The following SIPA1L3 variants were observed in gnomAD, a reference collection of about 807,000 sequenced individuals.
SIPA1L3 encodes the protein signal induced proliferation associated 1 like 3.
A neutral mutation model predicts 150.1 loss-of-function variants in SIPA1L3; 59 were observed. That is an observed-to-expected ratio of 0.39 (90% CI 0.32 to 0.49). The LOEUF (loss-of-function observed/expected upper bound fraction) is 0.49. SIPA1L3 is among the 20% of genes least tolerant of loss of function. The pLI is 0.86. For missense variants in SIPA1L3, 2,211 were observed against 2,489.5 expected (o/e 0.89, Z 2.38); for synonymous variants, 1,070 against 1,077.6 (o/e 0.99, Z 0.14).
At chr19:37,969,122 T>A (rs1456086262) in intron 1 of SIPA1L3, among the ~76,000 whole-genome samples, 1 of 152,176 alleles carries the variant, frequency 6.6e-6, no homozygotes, top group Non-Finnish European at 1.5e-5. Flanking sequence ...TAGTTTCAGC[T>A]ACTAGGGAGG....
At chr19:38,155,049 C>CCA (rs1013680629) in intron 13 of SIPA1L3, among the ~76,000 whole-genome samples, 40 of 152,264 alleles carry the variant, frequency 2.6e-4, no homozygotes, top group Admixed American at 1.3e-3. Context: ...GTGTGAGCCA[C>CCA]CACACAGGGC....
chr19:38,205,498 T>A lies in SIPA1L3; in HGVS notation c.5203-599T>A, dbSNP rs113816480. The stretch of plus-strand genomic sequence containing the variant: ...AAAATGAGGAGGAGACTTTTATCTA[T>A]TGTTTCTATACTTCTGGGTAAAAGC... On this transcript the variant is annotated intron_variant, in intron 21 of 21. Coordinates refer to ENST00000222345, the MANE Select transcript of SIPA1L3 (RefSeq NM_015073.3). Among the ~76,000 whole-genome samples the A allele has an allele frequency of 1.5e-3, 231 of 151,412 alleles. 3 individuals carry two copies. The highest frequency in any genetic ancestry group is 5.4e-3 in the African/African-American group (223 of 41,156).
intron 2 of SIPA1L3, among the ~76,000 whole-genome samples, chr19:38,033,916 A>G (rs1468982933): frequency 6.6e-6 from 1 of 152,154 alleles, no homozygotes; most frequent in Non-Finnish European, 1.5e-5. Flanking sequence ...GCATTCGGCC[A>G]GGAATGTCTT....
intron 1 of SIPA1L3, among the ~76,000 whole-genome samples, chr19:37,925,892 G>A (rs77022530): frequency 0.054 from 8,238 of 151,998 alleles, 258 homozygotes; most frequent in East Asian, 0.11. Flanking sequence ...GCGCCCGGCC[G>A]ATTTATTACA....
At chr19:38,074,604 CT>C (rs1337151428) in intron 2 of SIPA1L3, among the ~76,000 whole-genome samples, 1 of 152,264 alleles carries the variant, frequency 6.6e-6, no homozygotes, top group East Asian at 1.9e-4. Context: ...AGCAAACAGT[CT>C]TGCCATTCTG....
At position 38,193,548 on chromosome 19, in the gene SIPA1L3, G is replaced by T; in HGVS notation, c.4608G>T (p.Gln1536His). 1 of 1,500,246 alleles carries T rather than the reference G, an allele frequency of 6.7e-7. No individual in the cohort carries two copies. The highest frequency in any genetic ancestry group is 1.3e-5 in the South Asian group (1 of 75,222). The allele number at this position is 1,500,246 out of a possible 1,614,324, so 92.9% of individuals were successfully genotyped here. ...CCCACGCCCCACAGCAGTCACCGCA[G>T]AAGGGCCTGCAGCGGACGCTGTCGG... ...EQERDTGQSP[Q>H]KGLQRTLSDE... Residue 1536 changes from glutamine to histidine, a missense_variant, in exon 18 of 22, where the codon CAG (glutamine) becomes CAT (histidine). Around this residue, in one of 5 missense-constraint regions of SIPA1L3, gnomAD observed 806 missense variants for 870.1 expected, o/e 0.93. Coordinates refer to ENST00000222345, the MANE Select transcript of SIPA1L3 (RefSeq NM_015073.3).
intron 1 of SIPA1L3, among the ~76,000 whole-genome samples, chr19:37,946,338 G>T (rs2046711879): frequency 6.6e-6 from 1 of 151,806 alleles, no homozygotes; most frequent in African/African-American, 2.4e-5. Context: ...TTGCTCTGTT[G>T]CCCAGGCTGG....
At chr19:38,010,954 T>C (rs1968083308) in intron 1 of SIPA1L3, among the ~76,000 whole-genome samples, 1 of 152,196 alleles carries the variant, frequency 6.6e-6, no homozygotes, top group African/African-American at 2.4e-5. Flanking sequence ...AGGGTCTCTT[T>C]CTATGCACAC....
intron 13 of SIPA1L3, among the ~76,000 whole-genome samples, chr19:38,161,422 A>G (rs1333490090): frequency 1.3e-5 from 2 of 149,968 alleles, no homozygotes; most frequent in African/African-American, 4.9e-5. Context: ...TCTACTAACC[A>G]ATAAGATAAA....
chr19:38,134,707 G>GAA lies in SIPA1L3; in HGVS notation c.3143+3959_3143+3960dup, dbSNP rs3083628. ...ATGACAGAGCGAGACTCTGTTTCAG[G>GAA]AAAAAAAAAAAAAAAAAAAAAAAAA... On this transcript the variant is annotated intron_variant, in intron 10 of 21. Transcript: ENST00000222345. 4.5e-3 allele frequency among the ~76,000 whole-genome samples: 413 copies of GAA among 90,996 alleles called. 6 individuals are homozygous for GAA. The highest frequency in any genetic ancestry group is 4.5e-3 in the Non-Finnish European group (224 of 49,684). 59.7% of individuals were successfully genotyped at this position (90,996 alleles called of 152,430 possible).
At chr19:37,925,173 C>T (rs892227241) in intron 1 of SIPA1L3, among the ~76,000 whole-genome samples, 5 of 152,138 alleles carry the variant, frequency 3.3e-5, no homozygotes, top group African/African-American at 9.7e-5. Context: ...TAATGCATGG[C>T]TCTCCGACCT....
intron 2 of SIPA1L3, among the ~76,000 whole-genome samples, chr19:38,056,702 A>G (rs533666697): frequency 1.2e-3 from 178 of 152,354 alleles, no homozygotes; most frequent in African/African-American, 4.1e-3. Context: ...AGTAAATCAA[A>G]TGAATGAAAA....
At chr19:38,063,601 T>C (rs1258807200) in intron 2 of SIPA1L3, among the ~76,000 whole-genome samples, 2 of 152,236 alleles carry the variant, frequency 1.3e-5, no homozygotes, top group African/African-American at 4.8e-5. Context: ...GGCTCCGTGC[T>C]GGCAAGACAC....
At chr19:38,008,799 A>G (rs186334857) in intron 1 of SIPA1L3, among the ~76,000 whole-genome samples, 23 of 151,214 alleles carry the variant, frequency 1.5e-4, no homozygotes, top group African/African-American at 4.6e-4. Flanking sequence ...GCCTCAAGCA[A>G]TCTCCCCAGC....
intron 19 of SIPA1L3, among the ~76,000 whole-genome samples, chr19:38,201,207 A>T (rs1029846509): frequency 1.3e-5 from 2 of 152,214 alleles, no homozygotes; most frequent in Non-Finnish European, 2.9e-5. Flanking sequence ...GTTGGAGGGC[A>T]CTAGGGCGGT....
At chr19:37,973,554 A>AAAGGG (rs1966993910) in intron 1 of SIPA1L3, among the ~76,000 whole-genome samples, 1 of 31,712 alleles carries the variant, frequency 3.2e-5, no homozygotes. Flanking sequence ...AAAAAAAAAA[A>AAAGGG]GCGGGAGGGG....
chr19:37,934,847 C>T (rs758656534), intron 1 of SIPA1L3, among the ~76,000 whole-genome samples: 1 of 152,140 alleles, frequency 6.6e-6, no homozygotes, highest in Non-Finnish European at 1.5e-5. Flanking sequence ...TGTGGAATGC[C>T]TCTGAGTCCT....
At chr19:38,079,150 G>A (rs1358398521) in intron 2 of SIPA1L3, among the ~76,000 whole-genome samples, 1 of 152,176 alleles carries the variant, frequency 6.6e-6, no homozygotes, top group Non-Finnish European at 1.5e-5. Context: ...GGCTAACACG[G>A]TGAAACCCTG....
At chr19:38,036,086 C>A (rs151325556) in intron 2 of SIPA1L3, among the ~76,000 whole-genome samples, 2 of 152,314 alleles carry the variant, frequency 1.3e-5, no homozygotes, top group Middle Eastern at 6.8e-3. Context: ...GGTCCCCTTT[C>A]TTGTTCATTC....
Sources: gnomAD v4.1 joint callset for allele counts (sites outside exome capture counted in the v4.1 genomes callset) on GRCh38, gnomAD v4.1.1 for gene constraint, gnomAD v4.1.1 regional missense constraint, MANE v1.5 for transcripts, NCBI Gene and HGNC (gene_info 2026-07-23, HGNC 2026-07-21) for gene names.